Variants in TRPV2 observed in about 807,000 individuals in gnomAD.
TRPV2 encodes the protein OTRPC2.
In TRPV2, 58 loss-of-function variants were observed where a neutral mutation model predicts 91.0. That is an observed-to-expected ratio of 0.64 (90% CI 0.52 to 0.79). The LOEUF (loss-of-function observed/expected upper bound fraction) is 0.79. Ranked by LOEUF, TRPV2 falls within the 30% of genes least tolerant of loss-of-function variation. The pLI is 0.00. For missense variants in TRPV2, 807 were observed against 969.6 expected, an observed-to-expected ratio of 0.83 and a Z score of 2.23; for synonymous variants, 417 against 414.8, an observed-to-expected ratio of 1.01 and a Z score of -0.06.
At chr17:16,421,990 A>G (rs1186384802) in intron 3 of TRPV2, among the ~76,000 whole-genome samples, 2 of 151,780 alleles carry the variant, frequency 1.3e-5, no homozygotes, top group African/African-American at 4.8e-5. Context: ...CATTTCACGA[A>G]TGATGACTTA....
At chr17:16,433,438 C>T (rs181922302) in intron 12 of TRPV2, 136 bp from the exon 13 acceptor site, 14 of 1,294,216 alleles carry the variant, frequency 1.1e-5, no homozygotes, top group East Asian at 4.8e-5. Flanking sequence ...GAGCCAGATT[C>T]GAATCCGCGT....
intron 3 of TRPV2, among the ~76,000 whole-genome samples, chr17:16,421,896 G>T (rs1267809302): frequency 6.6e-6 from 1 of 152,142 alleles, no homozygotes; most frequent in African/African-American, 2.4e-5. Flanking sequence ...ATTAAGAGAG[G>T]CCACGTGACT....
At chr17:16,428,568 C>T in intron 9 of TRPV2, 181 bp downstream of exon 9, 1 of 745,156 alleles carries the variant, frequency 1.3e-6, no homozygotes, top group Non-Finnish European at 2.2e-6. Context: ...CTTGTGCTCC[C>T]ATCACTGTAG....
intron 5 of TRPV2, 86 bp downstream of exon 5, chr17:16,423,853 G>A: frequency 7.3e-7 from 1 of 1,378,590 alleles, no homozygotes; most frequent in Non-Finnish European, 9.6e-7. Flanking sequence ...CCCAGGGGGT[G>A]GTGAAGAGCA....
At chr17:16,428,521 G>T in intron 9 of TRPV2, 134 bp downstream of exon 9, 1 of 972,192 alleles carries the variant, frequency 1.0e-6, no homozygotes. Flanking sequence ...GTACAGGCCA[G>T]TCCCAGGAGT....
chr17:16,420,121 G>T lies in TRPV2; in HGVS notation c.207G>T (p.Pro69=). 6.2e-7 allele frequency: 1 copy of T among 1,612,660 alleles called. No homozygotes were observed. Among genetic ancestry groups the T allele is most frequent in the East Asian group, 2.2e-5 (1 of 44,822 alleles). Residue 69 remains proline (P), a synonymous_variant, in exon 3 of 15, where the codon CCG becomes CCT. Transcript: ENST00000338560. The part of the protein sequence containing the change: ...NYRKGTGASQ[P]DPNRFDRDRL... ...CAAACCACATCCTCCACAGTCAGCC[G>T]GATCCAAACCGATTTGACCGAGATC...
In TRPV2 at chr17:16,431,778, T is replaced by A; in HGVS notation, c.1588-6T>A. On this transcript the variant is annotated splice_region_variant and splice_polypyrimidine_tract_variant and intron_variant, in intron 10 of 14. Coordinates refer to ENST00000338560, the MANE Select transcript of TRPV2 (RefSeq NM_016113.5). ...CCACCCTGGCCCCTGGGCACATGTG[T>A]TCCAGGTCATCCTGCGGGACCTGCT... 1 of 1,614,110 alleles carries A rather than the reference T, an allele frequency of 6.2e-7. No homozygotes were observed. Among genetic ancestry groups the A allele is most frequent in the Non-Finnish European group, 8.5e-7 (1 of 1,179,978 alleles).
chr17:16,431,732 C>G, intron 10 of TRPV2, 52 bp from the exon 11 acceptor site: 1 of 1,565,982 alleles, frequency 6.4e-7, no homozygotes, highest in East Asian at 2.2e-5. Flanking sequence ...GTTCTGGGGT[C>G]GTGACTGGTG....
chr17:16,423,551 C>T lies in TRPV2; in HGVS notation c.708C>T (p.Ala236=), dbSNP rs2093368169. Residue 236 remains alanine, a synonymous_variant, in exon 5 of 15, where the codon GCC becomes GCT. Transcript: ENST00000338560. ...TCCTGGAGAACCCACACCAGCCCGC[C>T]AGCCTGCAGGCCACTGACTCCCAGG... ...SYLLENPHQP[A]SLQATDSQGN... 1.2e-6 allele frequency: 2 copies of T among 1,614,168 alleles called. No homozygotes were observed. The highest frequency in any genetic ancestry group is 1.1e-5 in the South Asian group (1 of 91,080).
chr17:16,415,719 G>C lies in TRPV2; in HGVS notation c.-222G>C, dbSNP rs1023163150. 4 of 152,166 alleles carry C rather than the reference G, an allele frequency of 2.6e-5. No homozygotes were observed. The highest frequency in any genetic ancestry group is 9.7e-5 in the African/African-American group (4 of 41,428). 9.4% of individuals were successfully genotyped at this position (152,166 alleles called of 1,614,324 possible). A position where few individuals can be genotyped will look rare whatever the true frequency, so the allele number is the denominator to read the frequency against. On this transcript the variant is annotated 5_prime_UTR_variant, in exon 1 of 15. Coordinates refer to ENST00000338560, the MANE Select transcript of TRPV2 (RefSeq NM_016113.5). The surrounding 1 kb of genome is among the most constrained non-coding windows in gnomAD (Gnocchi z 4.5). ...CAGAGCTGGGGAGGGAGGTTCCGCC[G>C]CTCCTCTGCTGTCAGCGCCGGCAGC...
rs534505924 is a variant in TRPV2 at position 16,417,605 on chromosome 17, G to A, written c.-64G>A. 20 of 1,566,990 alleles carry A rather than the reference G, an allele frequency of 1.3e-5. No homozygotes were observed. The highest frequency in any genetic ancestry group is 2.7e-5 in the African/African-American group (2 of 73,794). ...CCGACGCGCAGCTGGGAGGAAGACA[G>A]GACCCTTGACATCTCCATCTGCACA... On this transcript the variant is annotated 5_prime_UTR_variant, in exon 2 of 15. Transcript: ENST00000338560.
At chr17:16,420,313 G>A in intron 3 of TRPV2, 65 bp downstream of exon 3, 3 of 1,559,288 alleles carry the variant, frequency 1.9e-6, no homozygotes. Flanking sequence ...TGGGCTGTGT[G>A]GGCTTGATCC....
In TRPV2 at chr17:16,417,612, T is replaced by G; in HGVS notation, c.-57T>G. ...GCAGCTGGGAGGAAGACAGGACCCTTGACATCTCCATCTGCACAGAGGTCC... is the reference window on the plus strand; with the variant it reads ...GCAGCTGGGAGGAAGACAGGACCCTGGACATCTCCATCTGCACAGAGGTCC... On this transcript the variant is annotated 5_prime_UTR_variant, in exon 2 of 15. Transcript: ENST00000338560. The G allele has an allele frequency of 6.3e-7, 1 of 1,586,894 alleles. No individual in the cohort carries two copies. Among genetic ancestry groups the G allele is most frequent in the Non-Finnish European group, 8.6e-7 (1 of 1,157,654 alleles).
At chr17:16,431,285 ATACATAT>A (rs1478814874) in intron 10 of TRPV2, among the ~76,000 whole-genome samples, 18 of 43,684 alleles carry the variant, frequency 4.1e-4, no homozygotes, top group East Asian at 1.7e-3. Flanking sequence ...ATATATATAT[ATACATAT>A]TTTTTTTTTT....
At position 16,433,621 on chromosome 17, in the gene TRPV2, G is replaced by A; in HGVS notation, c.2037G>A (p.Arg679=). 1 of 1,614,194 alleles carries A rather than the reference G, an allele frequency of 6.2e-7. No individual in the cohort carries two copies. The highest frequency in any genetic ancestry group is 8.5e-7 in the Non-Finnish European group (1 of 1,180,034). Residue 679 remains arginine (R), a synonymous_variant, in exon 13 of 15, where the codon AGG becomes AGA. Coordinates refer to ENST00000338560, the MANE Select transcript of TRPV2 (RefSeq NM_016113.5). The part of the protein sequence containing the change: ...LEMENGYWWC[R]KKQRAGVMLT... ...TGGAGAATGGCTATTGGTGGTGCAGGAAGAAGCAGCGGGCAGGTGTGATGC... is the reference window on the plus strand; with the variant it reads ...TGGAGAATGGCTATTGGTGGTGCAGAAAGAAGCAGCGGGCAGGTGTGATGC...
At position 16,435,093 on chromosome 17, in the gene TRPV2, C is replaced by A; in HGVS notation, c.2194+124C>A. On this transcript the variant is annotated intron_variant, in intron 14 of 14. Coordinates refer to ENST00000338560, the MANE Select transcript of TRPV2 (RefSeq NM_016113.5). This position sits in a 1 kb window ranked among gnomAD's most constrained non-coding sequence, Gnocchi z 4.2. ...CTCATAGTCCCTTTGCAGATCCCCA[C>A]ATGCCAGCTCCTCTTAGAGGGATTG... 1.5e-6 allele frequency: 1 copy of A among 652,850 alleles called. No individual in the cohort carries two copies. Among genetic ancestry groups the A allele is most frequent in the Non-Finnish European group, 2.5e-6 (1 of 405,086 alleles). The allele number at this position is 652,850 out of a possible 1,614,324, so 40.4% of individuals were successfully genotyped here. A position where few individuals can be genotyped will look rare whatever the true frequency, so the allele number is the denominator to read the frequency against.
Position 16,431,807 on chromosome 17 carries a change from C to T in TRPV2, c.1611C>T (p.Arg537=). The T allele has an allele frequency of 2.5e-6, 4 of 1,614,140 alleles. No individual in the cohort carries two copies. The highest frequency in any genetic ancestry group is 3.4e-6 in the Non-Finnish European group (4 of 1,180,022). ...IQKVILRDLL[R]FLLIYLVFLF... ...AGGTCATCCTGCGGGACCTGCTGCG[C>T]TTCCTTCTGATCTACTTAGTCTTCC... Residue 537 remains arginine, a synonymous_variant, in exon 11 of 15, where the codon CGC becomes CGT. Transcript: ENST00000338560.
chr17:16,436,105 C>T (rs1156362516), intron 14 of TRPV2, among the ~76,000 whole-genome samples: 1 of 152,078 alleles, frequency 6.6e-6, no homozygotes, highest in Non-Finnish European at 1.5e-5. Flanking sequence ...CCCCGCTATA[C>T]CAGCTCTCCC....
intron 2 of TRPV2, among the ~76,000 whole-genome samples, chr17:16,418,946 A>G (rs189558586): frequency 4.3e-4 from 64 of 150,032 alleles, no homozygotes; most frequent in Middle Eastern, 3.5e-3. Context: ...TGAAATCCCC[A>G]CCTGATTCAA....
Sources: allele counts gnomAD v4.1 joint callset (sites outside exome capture counted in the v4.1 genomes callset), GRCh38; gene constraint gnomAD v4.1.1; non-coding constraint Gnocchi (gnomAD v3.1); transcripts MANE v1.5; gene names NCBI Gene and HGNC (gene_info 2026-07-23, HGNC 2026-07-21).